Variants in CACNA2D1 observed in about 807,000 individuals in gnomAD.
The protein encoded by CACNA2D1 is voltage-dependent calcium channel subunit alpha-2/delta-1.
Under a neutral mutation model 171.5 loss-of-function variants are expected in CACNA2D1, and 53 were observed. The ratio of observed to expected loss-of-function variants is 0.31; its 90% CI spans 0.25 to 0.39. The LOEUF is 0.39. CACNA2D1 is among the 10% of genes least tolerant of loss of function. The pLI, the probability that CACNA2D1 is intolerant of heterozygous loss-of-function variation, is 1.00. For synonymous variants in CACNA2D1, 442 were observed against 443.1 expected (o/e 1.00, Z 0.03); for missense variants, 903 against 1,299.8 (o/e 0.69, Z 4.69).
chr7:82,363,249 T>C (rs1821282118), intron 1 of CACNA2D1, among the ~76,000 whole-genome samples: 1 of 146,016 alleles, frequency 6.8e-6, no homozygotes, highest in Non-Finnish European at 1.5e-5. Flanking sequence ...TTTATTTATT[T>C]GTCTCTTTTT....
chr7:82,237,971 T>C (rs1315239083), intron 3 of CACNA2D1, among the ~76,000 whole-genome samples: 3 of 151,386 alleles, frequency 2.0e-5, no homozygotes, highest in African/African-American at 7.3e-5. Flanking sequence ...TGGTTGCTTA[T>C]AGTTACACAA....
rs75972722 is a variant in CACNA2D1 at position 82,235,415 on chromosome 7, C to A, written c.295-64806G>T. On this transcript the variant is annotated intron_variant, in intron 3 of 38. Transcript: ENST00000356860. Reference sequence around the variant, plus strand: ...TCCTCACCAAAGGCAAATGAACTTTCCCTGATGGGAGGGGCAGGCTGCTTC... The same window carrying A: ...TCCTCACCAAAGGCAAATGAACTTTACCTGATGGGAGGGGCAGGCTGCTTC... Among the ~76,000 whole-genome samples, 32 of 152,168 alleles carry A rather than the reference C, an allele frequency of 2.1e-4. 1 individual carries two copies. In the East Asian group the frequency reaches 6.0e-3, roughly 28 times the overall value.
intron 36 of CACNA2D1, among the ~76,000 whole-genome samples, chr7:81,960,447 G>A (rs1793971779): frequency 6.6e-6 from 1 of 152,030 alleles, no homozygotes; most frequent in Non-Finnish European, 1.5e-5. Flanking sequence ...GGTAACTACT[G>A]CACTGGGCAA....
chr7:82,436,226 A>C (rs2129459426), intron 1 of CACNA2D1, among the ~76,000 whole-genome samples: 1 of 152,320 alleles, frequency 6.6e-6, no homozygotes, highest in Admixed American at 6.5e-5. Flanking sequence ...AGGCAATATA[A>C]ATTAAAACAA....
Position 82,060,539 on chromosome 7 carries a change from C to G in CACNA2D1, c.780-12G>C. The G allele has an allele frequency of 6.8e-7, 1 of 1,479,418 alleles. No individual in the cohort carries two copies. Among genetic ancestry groups the G allele is most frequent in the Non-Finnish European group, 9.4e-7 (1 of 1,060,182 alleles). The allele number at this position is 1,479,418 out of a possible 1,614,324, so 91.6% of individuals were successfully genotyped here. Reference sequence around the variant, plus strand: ...TAACACTTCCACTCCTAGAAATAGACAAATGGGTCCATACATGTTACTCAT... The same window carrying G: ...TAACACTTCCACTCCTAGAAATAGAGAAATGGGTCCATACATGTTACTCAT... On this transcript the variant is annotated splice_polypyrimidine_tract_variant and intron_variant, in intron 9 of 38. Coordinates refer to ENST00000356860, the MANE Select transcript of CACNA2D1 (RefSeq NM_000722.4).
At chr7:82,011,506 T>G (rs73705439) in intron 15 of CACNA2D1, among the ~76,000 whole-genome samples, 44,347 of 151,906 alleles carry the variant, frequency 0.29, 6,754 homozygotes, top group Middle Eastern at 0.49. Flanking sequence ...TAATGACATA[T>G]CTTTACTAAA....
At chr7:82,238,154 G>T (rs1803834420) in intron 3 of CACNA2D1, among the ~76,000 whole-genome samples, 1 of 151,924 alleles carries the variant, frequency 6.6e-6, no homozygotes, top group Admixed American at 6.6e-5. Flanking sequence ...TATAAGAGGG[G>T]AATAAGATTT....
At position 82,443,718 on chromosome 7, in the gene CACNA2D1, A is replaced by G. The variant is rs1221760528; in HGVS notation, c.-259T>C. The G allele has an allele frequency of 3.6e-5, 45 of 1,234,408 alleles. No homozygotes were observed. The highest frequency in any genetic ancestry group is 1.0e-6 in the Non-Finnish European group (1 of 990,688). 76.5% of individuals were successfully genotyped at this position (1,234,408 alleles called of 1,614,324 possible). ...CCGCGGCCGCCTTGCCTCCGCCGCC[A>G]TCAAGGGCGACTTTGGAAACAGACC... On this transcript the variant is annotated 5_prime_UTR_variant, in exon 1 of 39. It removes an upstream start codon present in the reference 5' UTR. Transcript: ENST00000356860.
chr7:82,191,934 T>C (rs1398900655), intron 3 of CACNA2D1, among the ~76,000 whole-genome samples: 1 of 151,812 alleles, frequency 6.6e-6, no homozygotes, highest in African/African-American at 2.4e-5. Flanking sequence ...AGAATGATTA[T>C]TATCATCTAT....
At chr7:82,230,643 A>G (rs1322655760) in intron 3 of CACNA2D1, among the ~76,000 whole-genome samples, 1 of 152,216 alleles carries the variant, frequency 6.6e-6, no homozygotes, top group African/African-American at 2.4e-5. Context: ...ATTTTCTTTC[A>G]TGGTAATGCT....
At chr7:82,160,272 A>T (rs1028864320) in intron 4 of CACNA2D1, among the ~76,000 whole-genome samples, 2 of 151,966 alleles carry the variant, frequency 1.3e-5, no homozygotes, top group Non-Finnish European at 2.9e-5. Context: ...TCATACAACA[A>T]CTCAGATTAG....
At chr7:81,984,055 G>A (rs537280709) in intron 22 of CACNA2D1, among the ~76,000 whole-genome samples, 5 of 152,106 alleles carry the variant, frequency 3.3e-5, no homozygotes, top group African/African-American at 1.2e-4. Flanking sequence ...CATTCCAAAT[G>A]AGGCTTAAAA....
intron 1 of CACNA2D1, among the ~76,000 whole-genome samples, chr7:82,357,532 T>G (rs1381367166): frequency 6.6e-6 from 1 of 152,150 alleles, no homozygotes; most frequent in African/African-American, 2.4e-5. Flanking sequence ...CTATATTTGA[T>G]GTGGATAAGT....
chr7:82,108,050 C>T (rs4732422), intron 6 of CACNA2D1, among the ~76,000 whole-genome samples: 26,386 of 152,020 alleles, frequency 0.17, 2,599 homozygotes, highest in East Asian at 0.33. Context: ...CAACAAACCA[C>T]GTCACATTTG....
rs114228409 is a variant in CACNA2D1, at chr7:82,084,345, C to G, written c.658+424G>C. ...TCTTGTCCTACTCATTTTAACAGAT[C>G]CACGTCTACTGATTAAACACATTAA... is the stretch of plus-strand genomic sequence containing the variant. On this transcript the variant is annotated intron_variant, in intron 7 of 38. Transcript: ENST00000356860. 6.3e-3 allele frequency among the ~76,000 whole-genome samples: 954 copies of G among 152,216 alleles called. 13 individuals carry two copies. Among genetic ancestry groups the G allele is most frequent in the African/African-American group, 0.022 (911 of 41,538 alleles).
At chr7:82,051,013 T>G in intron 10 of CACNA2D1, 1 of 222,836 alleles carries the variant, frequency 4.5e-6, no homozygotes, top group Non-Finnish European at 9.1e-6. Flanking sequence ...GTGAGCTTAC[T>G]AACACTGTCC....
intron 7 of CACNA2D1, among the ~76,000 whole-genome samples, chr7:82,077,285 T>G (rs1014611876): frequency 2.0e-5 from 3 of 152,300 alleles, no homozygotes. Context: ...ATGGCCATTT[T>G]GAAGGTAACT....
At chr7:82,250,629 A>G (rs987064717) in intron 3 of CACNA2D1, among the ~76,000 whole-genome samples, 17 of 152,172 alleles carry the variant, frequency 1.1e-4, no homozygotes, top group African/African-American at 3.9e-4. Flanking sequence ...TTAGCTCTCA[A>G]ATTTTAACAA....
chr7:81,990,156 C>T (rs1469921905), intron 21 of CACNA2D1, among the ~76,000 whole-genome samples: 1 of 152,106 alleles, frequency 6.6e-6, no homozygotes, highest in African/African-American at 2.4e-5. Context: ...TATGTCAATG[C>T]TACTTAAAGT....
Sources: gnomAD v4.1 joint callset for allele counts (sites outside exome capture counted in the v4.1 genomes callset) on GRCh38, gnomAD v4.1.1 for gene constraint, MANE v1.5 for transcripts, NCBI Gene and HGNC (gene_info 2026-07-23, HGNC 2026-07-21) for gene names.